CFAP299: variants seen among roughly 807,000 people sequenced by gnomAD.
CFAP299 encodes cilia- and flagella-associated protein 299.
In CFAP299, 21 loss-of-function variants were observed where a neutral mutation model predicts 27.0. The ratio of observed to expected loss-of-function variants is 0.78; its 90% CI spans 0.55 to 1.12. The LOEUF is 1.12. Ranked by LOEUF, CFAP299 falls within the 50% of genes most tolerant of loss-of-function variation. CFAP299 has a pLI of 0.00. For synonymous variants in CFAP299, 104 were observed against 98.1 expected (o/e 1.06, Z -0.36); for missense variants, 310 against 276.6 (o/e 1.12, Z -0.86).
intron 1 of CFAP299, chr4:80,336,414 A>T (rs1722143702): frequency 6.5e-6 from 1 of 154,634 alleles, no homozygotes; most frequent in Non-Finnish European, 1.4e-5. Flanking sequence ...GAGACGCATT[A>T]CAGGTAGTTG....
intron 2 of CFAP299, chr4:80,387,320 G>C (rs1326206359): frequency 1.9e-6 from 3 of 1,606,488 alleles, no homozygotes; most frequent in Admixed American, 3.3e-5. Context: ...GAACGTTTGG[G>C]CACAGCTTTT....
At chr4:80,702,674 T>A (rs1721573089) in intron 3 of CFAP299, among the ~76,000 whole-genome samples, 1 of 151,924 alleles carries the variant, frequency 6.6e-6, no homozygotes, top group African/African-American at 2.4e-5. Flanking sequence ...AGAATGTGTC[T>A]CTGCAAATAT....
intron 5 of CFAP299, among the ~76,000 whole-genome samples, chr4:80,947,117 A>G (rs1737515913): frequency 6.6e-6 from 1 of 152,182 alleles, no homozygotes; most frequent in Admixed American, 6.5e-5. Context: ...TCAAACTCAA[A>G]CTTCCAAAAT....
intron 4 of CFAP299, among the ~76,000 whole-genome samples, chr4:80,942,311 A>G (rs1203154078): frequency 6.6e-6 from 1 of 152,118 alleles, no homozygotes; most frequent in East Asian, 1.9e-4. Flanking sequence ...CAGGCTCTGG[A>G]GTCAGTCTTT....
At position 80,526,797 on chromosome 4, in the gene CFAP299, C is replaced by T. The variant is rs573195898; in HGVS notation, c.243-56296C>T. Among the ~76,000 whole-genome samples, 7 of 152,222 alleles carry T rather than the reference C, an allele frequency of 4.6e-5. No individual in the cohort carries two copies. The East Asian group carries it at 1.4e-3, about 29-fold the overall frequency. On this transcript the variant is annotated intron_variant, in intron 2 of 5. Transcript: ENST00000358105. ...ATCTCTCATATTACATTTTACCTTA[C>T]ACACCTTTTAGATCCTGTTCTAACG...
At chr4:80,606,522 G>A (rs767750322) in intron 3 of CFAP299, among the ~76,000 whole-genome samples, 1 of 152,056 alleles carries the variant, frequency 6.6e-6, no homozygotes, top group Admixed American at 6.5e-5. Flanking sequence ...GCAACAGAGC[G>A]AGAATCTGTT....
At chr4:80,361,762 C>T (rs556107492) in intron 1 of CFAP299, among the ~76,000 whole-genome samples, 218 of 152,258 alleles carry the variant, frequency 1.4e-3, no homozygotes, top group African/African-American at 4.8e-3. Flanking sequence ...ATACTTACAA[C>T]TTTAACCACT....
At chr4:80,781,764 A>C (rs1318504228) in intron 3 of CFAP299, among the ~76,000 whole-genome samples, 2 of 151,974 alleles carry the variant, frequency 1.3e-5, no homozygotes, top group African/African-American at 4.8e-5. Context: ...ACAGGGGTAT[A>C]ATTTAGGATA....
chr4:80,932,588 G>A (rs914112319), intron 4 of CFAP299, among the ~76,000 whole-genome samples: 6 of 151,792 alleles, frequency 4.0e-5, no homozygotes, highest in South Asian at 2.1e-4. Context: ...GCAATTCCAC[G>A]TAATATAATT....
intron 3 of CFAP299, among the ~76,000 whole-genome samples, chr4:80,665,246 G>T (rs150710670): frequency 5.9e-4 from 90 of 152,120 alleles, no homozygotes; most frequent in African/African-American, 2.1e-3. Flanking sequence ...GCAACCTTTG[G>T]CAAAAGCTAG....
chr4:80,858,158 T>G (rs925204193), intron 3 of CFAP299, among the ~76,000 whole-genome samples: 2 of 152,244 alleles, frequency 1.3e-5, no homozygotes, highest in Non-Finnish European at 1.5e-5. Flanking sequence ...GTCGAGGAAT[T>G]TATCCATTTC....
chr4:80,637,437 C>T (rs1739505522), intron 3 of CFAP299, among the ~76,000 whole-genome samples: 1 of 152,188 alleles, frequency 6.6e-6, no homozygotes, highest in Admixed American at 6.5e-5. Context: ...ACAATGGCAG[C>T]ATTTGTCTTT....
At chr4:80,868,384 C>T (rs1578199848) in intron 3 of CFAP299, among the ~76,000 whole-genome samples, 1 of 152,220 alleles carries the variant, frequency 6.6e-6, no homozygotes. Context: ...ATATTTTGCT[C>T]ACTGGAAAGA....
chr4:80,366,472 T>C (rs115382607), intron 2 of CFAP299, among the ~76,000 whole-genome samples: 383 of 152,280 alleles, frequency 2.5e-3, no homozygotes, highest in African/African-American at 8.6e-3. Flanking sequence ...TAAAAAAATA[T>C]TTTGGGCTTC....
chr4:80,590,230 G>A (rs1447487811), intron 3 of CFAP299, among the ~76,000 whole-genome samples: 6 of 152,160 alleles, frequency 3.9e-5, no homozygotes, highest in African/African-American at 1.4e-4. Context: ...TGATGAATTC[G>A]TTCCTTCTTG....
At chr4:80,499,835 C>G (rs577231051) in intron 2 of CFAP299, among the ~76,000 whole-genome samples, 1 of 151,996 alleles carries the variant, frequency 6.6e-6, no homozygotes, top group African/African-American at 2.4e-5. Flanking sequence ...CTCTAAAGTA[C>G]GGTAGCAAAA....
chr4:80,599,935 T>C (rs937978704), intron 3 of CFAP299, among the ~76,000 whole-genome samples: 1 of 152,166 alleles, frequency 6.6e-6, no homozygotes, highest in Middle Eastern at 3.4e-3. Flanking sequence ...GAAATTGGGA[T>C]ACAAAAACAA....
At chr4:80,958,971 G>C (rs1424858044) in intron 5 of CFAP299, among the ~76,000 whole-genome samples, 3 of 152,064 alleles carry the variant, frequency 2.0e-5, no homozygotes, top group Non-Finnish European at 4.4e-5. Flanking sequence ...TAAACTACAG[G>C]GACCTAAAAT....
intron 3 of CFAP299, among the ~76,000 whole-genome samples, chr4:80,611,747 C>T (rs74970380): frequency 0.078 from 11,837 of 151,958 alleles, 720 homozygotes; most frequent in East Asian, 0.26. Context: ...CTCTTAACTC[C>T]CTGTTAACTG....
Sources: gnomAD v4.1 joint callset for allele counts (sites outside exome capture counted in the v4.1 genomes callset) on GRCh38, gnomAD v4.1.1 for gene constraint, MANE v1.5 for transcripts, NCBI Gene and HGNC (gene_info 2026-07-23, HGNC 2026-07-21) for gene names.